Variants in THSD4 observed in about 807,000 individuals in gnomAD.
The protein encoded by THSD4 is thrombospondin type-1 domain-containing protein 4.
THSD4 carries 69 observed loss-of-function variants against 119.0 expected under a neutral mutation model. The ratio of observed to expected loss-of-function variants is 0.58; its 90% confidence interval spans 0.48 to 0.71. The LOEUF is 0.71. Ranked by LOEUF, THSD4 falls within the 30% of genes least tolerant of loss-of-function variation. The pLI, the probability that THSD4 is intolerant of heterozygous loss-of-function variation, is 0.00. For synonymous variants in THSD4, 524 were observed against 540.4 expected (o/e 0.97, Z 0.42); for missense variants, 1,393 against 1,391.1 (o/e 1.00, Z -0.02).
intron 7 of THSD4, among the ~76,000 whole-genome samples, chr15:71,502,912 A>G (rs1595834150): frequency 6.6e-6 from 1 of 152,230 alleles, no homozygotes. Flanking sequence ...CAGGTGCCGC[A>G]TCAGAGTTTG....
intron 2 of THSD4, among the ~76,000 whole-genome samples, chr15:71,145,323 G>C (rs1347840956): frequency 6.6e-6 from 1 of 152,192 alleles, no homozygotes; most frequent in Non-Finnish European, 1.5e-5. Flanking sequence ...TTGAACAGTA[G>C]TTTTTGAAGA....
intron 6 of THSD4, among the ~76,000 whole-genome samples, chr15:71,364,604 G>T (rs189208445): frequency 6.6e-6 from 1 of 152,222 alleles, no homozygotes; most frequent in Non-Finnish European, 1.5e-5. Context: ...CTTCATAGAC[G>T]AGGTGACCTG....
chr15:71,194,075 G>T (rs2043699297), intron 3 of THSD4, among the ~76,000 whole-genome samples: 1 of 152,166 alleles, frequency 6.6e-6, no homozygotes. Context: ...CTTGCCTGCT[G>T]CCATGTAAGA....
At chr15:71,636,616 C>T (rs913308674) in intron 7 of THSD4, among the ~76,000 whole-genome samples, 4 of 152,136 alleles carry the variant, frequency 2.6e-5, no homozygotes, top group African/African-American at 9.7e-5. Flanking sequence ...CACCACCTTC[C>T]GCTATGTTGT....
At chr15:71,431,459 TA>T (rs1246576673) in intron 7 of THSD4, among the ~76,000 whole-genome samples, 5 of 152,022 alleles carry the variant, frequency 3.3e-5, no homozygotes, top group Non-Finnish European at 7.4e-5. Flanking sequence ...AGCATCAGAG[TA>T]AAACAATTTA....
intron 7 of THSD4, among the ~76,000 whole-genome samples, chr15:71,426,720 C>T (rs1054410398): frequency 1.3e-5 from 2 of 151,942 alleles, no homozygotes; most frequent in African/African-American, 4.8e-5. Flanking sequence ...TTATAAACAC[C>T]CCAAGCAAAC....
At chr15:71,547,054 C>T (rs28621424) in intron 7 of THSD4, among the ~76,000 whole-genome samples, 14,897 of 152,156 alleles carry the variant, frequency 0.098, 2,417 homozygotes, top group African/African-American at 0.34. Flanking sequence ...CTGCATGTGG[C>T]GTGCTTACCT....
At position 71,762,178 on chromosome 15, in the gene THSD4, C is replaced by CAG. The variant is rs75610353; in HGVS notation, c.2590-2838_2590-2837dup. ...ACACACACACACACACACACACACA[C>CAG]AGAGATAGAGATACACACACATGAA... is the stretch of plus-strand genomic sequence containing the variant. On this transcript the variant is annotated intron_variant, in intron 15 of 17. Coordinates refer to ENST00000261862, the MANE Select transcript of THSD4 (RefSeq NM_024817.3). Among the ~76,000 whole-genome samples, 920 of 147,542 alleles carry CAG rather than the reference C, an allele frequency of 6.2e-3. 53 individuals are homozygous for CAG. Among genetic ancestry groups the CAG allele is most frequent in the Non-Finnish European group, 7.1e-3 (473 of 66,514 alleles).
intron 2 of THSD4, among the ~76,000 whole-genome samples, chr15:71,147,968 CAAAAAAAAAAAAA>C (rs57726176): frequency 1.2e-4 from 4 of 32,144 alleles, no homozygotes; most frequent in African/African-American, 3.1e-4. Flanking sequence ...GACTCTGTCT[CAAAAAAAAAAAAA>C]AAAAAAAAAA....
intron 7 of THSD4, among the ~76,000 whole-genome samples, chr15:71,532,569 C>A (rs2048631311): frequency 6.6e-6 from 1 of 151,964 alleles, no homozygotes; most frequent in Admixed American, 6.6e-5. Context: ...CCCGCCTTGG[C>A]CTCTCAAACT....
chr15:71,363,462 G>C lies in THSD4; in HGVS notation c.1016-48225G>C, dbSNP rs116791074. Among the ~76,000 whole-genome samples the C allele has an allele frequency of 2.0e-3, 310 of 152,238 alleles. 3 individuals are homozygous for C. Among genetic ancestry groups the C allele is most frequent in the African/African-American group, 7.1e-3 (294 of 41,532 alleles). On this transcript the variant is annotated intron_variant, in intron 6 of 17. Transcript: ENST00000261862. ...GCGTGTGTGTGTTTGTGATCCCTGGGCAGGGGAGACCTGAAAAGGGAAGGA... is the reference window on the plus strand; with the variant it reads ...GCGTGTGTGTGTTTGTGATCCCTGGCCAGGGGAGACCTGAAAAGGGAAGGA...
At chr15:71,138,427 A>G (rs1408624846) in intron 1 of THSD4, among the ~76,000 whole-genome samples, 1 of 152,108 alleles carries the variant, frequency 6.6e-6, no homozygotes, top group Non-Finnish European at 1.5e-5. Context: ...AGAACCAAAC[A>G]TTGTCAACCA....
In THSD4 at chr15:71,782,503, T is replaced by C. The variant is rs1567152635; in HGVS notation, c.*5129T>C. 6.6e-6 allele frequency: 1 copy of C among 152,240 alleles called. No individual in the cohort carries two copies. Among genetic ancestry groups the C allele is most frequent in the Admixed American group, 6.5e-5 (1 of 15,292 alleles). The allele number at this position is 152,240 out of a possible 1,614,324, so 9.4% of individuals were successfully genotyped here. A position where few individuals can be genotyped will look rare whatever the true frequency, so the allele number is the denominator to read the frequency against. On this transcript the variant is annotated 3_prime_UTR_variant, in exon 18 of 18. Coordinates refer to ENST00000261862, the MANE Select transcript of THSD4 (RefSeq NM_024817.3). Reference sequence around the variant, plus strand: ...GAACTCTATCTGCAGAATGAGTCACTACACCAAAATAGTTCTATTATTTAG... The same window carrying C: ...GAACTCTATCTGCAGAATGAGTCACCACACCAAAATAGTTCTATTATTTAG...
At chr15:71,250,396 G>A (rs951270859) in intron 5 of THSD4, among the ~76,000 whole-genome samples, 4 of 152,246 alleles carry the variant, frequency 2.6e-5, no homozygotes, top group South Asian at 2.1e-4. Context: ...GGAGTGCAGC[G>A]GCATGATCAT....
intron 3 of THSD4, among the ~76,000 whole-genome samples, chr15:71,197,281 TAAG>T (rs1011494161): frequency 3.9e-5 from 6 of 152,250 alleles, no homozygotes; most frequent in African/African-American, 1.4e-4. Flanking sequence ...TAAGGACAAA[TAAG>T]AGAGGAAAGG....
chr15:71,608,236 A>AT lies in THSD4; in HGVS notation c.1153-52294_1153-52293insT, dbSNP rs1441029180. ...AAACTCTGTCTCAAAAAAAAAAAAA[A>AT]AATATATATATATACACACACACAC... is the stretch of plus-strand genomic sequence containing the variant. On this transcript the variant is annotated intron_variant, in intron 7 of 17. Transcript: ENST00000261862. 4.4e-4 allele frequency among the ~76,000 whole-genome samples: 27 copies of AT among 62,056 alleles called. 1 individual carries two copies. The East Asian group carries it at 0.02, about 47-fold the overall frequency. 40.7% of individuals were successfully genotyped at this position (62,056 alleles called of 152,430 possible). A position where few individuals can be genotyped will look rare whatever the true frequency, so the allele number is the denominator to read the frequency against.
intron 8 of THSD4, among the ~76,000 whole-genome samples, chr15:71,711,169 G>C (rs1381245118): frequency 6.7e-6 from 1 of 150,298 alleles, no homozygotes; most frequent in Non-Finnish European, 1.5e-5. Flanking sequence ...AACATAAATA[G>C]GGGAGACTTG....
At chr15:71,118,470 C>G (rs2040381728) in intron 1 of THSD4, among the ~76,000 whole-genome samples, 1 of 152,162 alleles carries the variant, frequency 6.6e-6, no homozygotes, top group African/African-American at 2.4e-5. Context: ...GCTCTATGTT[C>G]AGCCTGGATG....
chr15:71,217,844 T>C (rs2043947336), intron 4 of THSD4, among the ~76,000 whole-genome samples: 1 of 148,608 alleles, frequency 6.7e-6, no homozygotes, highest in South Asian at 2.1e-4. Context: ...TAGAGTGCAG[T>C]GGTACCATCT....
Sources: gnomAD v4.1 joint callset for allele counts (sites outside exome capture counted in the v4.1 genomes callset) on GRCh38, gnomAD v4.1.1 for gene constraint, MANE v1.5 for transcripts, NCBI Gene and HGNC (gene_info 2026-07-23, HGNC 2026-07-21) for gene names.